CSMD3: variants seen among roughly 807,000 people sequenced by gnomAD.
CSMD3 encodes CUB and sushi domain-containing protein 3.
Under a neutral mutation model 435.2 loss-of-function variants are expected in CSMD3, and 177 were observed. The observed-to-expected ratio is 0.41, with a 90% CI of 0.36 to 0.46. The LOEUF is 0.46. CSMD3 is among the 20% of genes least tolerant of loss of function. The probability of loss-of-function intolerance (pLI) is 0.34; values close to 1 mark genes in which losing one functional copy is unlikely to be tolerated. For synonymous variants in CSMD3, 1,656 were observed against 1,520.5 expected (o/e 1.09, Z -2.07); for missense variants, 4,265 against 4,504.6 (o/e 0.95, Z 1.52).
intron 1 of CSMD3, among the ~76,000 whole-genome samples, chr8:113,414,004 G>T (rs1231665506): frequency 6.6e-6 from 1 of 151,994 alleles, no homozygotes; most frequent in African/African-American, 2.4e-5. Flanking sequence ...GGAAACAGAA[G>T]ACGAAATAGG....
At chr8:113,217,942 A>T (rs2092924331) in intron 3 of CSMD3, among the ~76,000 whole-genome samples, 1 of 151,334 alleles carries the variant, frequency 6.6e-6, no homozygotes. Flanking sequence ...ATGAAAAAAA[A>T]GTAAACTCAG....
intron 59 of CSMD3, among the ~76,000 whole-genome samples, chr8:112,270,234 C>T (rs1817341597): frequency 2.6e-5 from 4 of 151,910 alleles, no homozygotes; most frequent in African/African-American, 9.7e-5. Context: ...ATTATTAAAT[C>T]ACATTTATTC....
At position 112,570,911 on chromosome 8, in the gene CSMD3, T is replaced by C. The variant is rs1829458012; in HGVS notation, c.4042+2590A>G. Among the ~76,000 whole-genome samples the C allele has an allele frequency of 2.6e-5, 4 of 152,210 alleles. No homozygotes were observed. In the South Asian group the frequency reaches 6.2e-4, roughly 24 times the overall value. On this transcript the variant is annotated intron_variant, in intron 24 of 70. Coordinates refer to ENST00000297405, the MANE Select transcript of CSMD3 (RefSeq NM_198123.2). Reference sequence around the variant, plus strand: ...ATTTATAAATGTATGTTTTCCCTTTTTAAGAATGACAGCTTTATACTCTCT... The same window carrying C: ...ATTTATAAATGTATGTTTTCCCTTTCTAAGAATGACAGCTTTATACTCTCT...
intron 2 of CSMD3, among the ~76,000 whole-genome samples, chr8:113,306,927 A>G (rs1419548953): frequency 6.6e-6 from 1 of 152,140 alleles, no homozygotes; most frequent in Non-Finnish European, 1.5e-5. Flanking sequence ...AGTTTGTATA[A>G]TAAATATGAA....
At chr8:113,102,456 G>C (rs6999828) in intron 4 of CSMD3, among the ~76,000 whole-genome samples, 103,464 of 152,090 alleles carry the variant, frequency 0.68, 37,037 homozygotes, top group East Asian at 0.95. Flanking sequence ...CATGATCCCT[G>C]TTCTCATGGA....
intron 13 of CSMD3, among the ~76,000 whole-genome samples, chr8:112,767,141 A>G (rs1464338160): frequency 1.3e-5 from 2 of 151,916 alleles, no homozygotes; most frequent in African/African-American, 2.4e-5. Context: ...AATGATGAAA[A>G]GTAGAGATTA....
chr8:112,378,295 T>C (rs1829144127), intron 38 of CSMD3, among the ~76,000 whole-genome samples: 1 of 151,292 alleles, frequency 6.6e-6, no homozygotes, highest in Admixed American at 6.6e-5. Flanking sequence ...AATAGAACTA[T>C]ATAAGATCCA....
In CSMD3 at chr8:113,430,732, A is replaced by G. The variant is rs181406762; in HGVS notation, c.178+5945T>C. Reference sequence around the variant, plus strand: ...GGCCTGAACTGAATAATGTGATGATATCTAATGCCACATAATCACCATTGT... The same window carrying G: ...GGCCTGAACTGAATAATGTGATGATGTCTAATGCCACATAATCACCATTGT... On this transcript the variant is annotated intron_variant, in intron 1 of 70. Transcript: ENST00000297405. 1.6e-3 allele frequency among the ~76,000 whole-genome samples: 237 copies of G among 152,372 alleles called. 1 individual carries two copies. The highest frequency in any genetic ancestry group is 5.4e-3 in the African/African-American group (223 of 41,594).
intron 41 of CSMD3, among the ~76,000 whole-genome samples, chr8:112,342,722 A>G (rs1370809085): frequency 2.0e-5 from 3 of 151,922 alleles, no homozygotes; most frequent in Non-Finnish European, 4.4e-5. Flanking sequence ...TCATGTTACT[A>G]AATGATTTTT....
At chr8:113,038,019 T>C (rs958046174) in intron 5 of CSMD3, among the ~76,000 whole-genome samples, 5 of 152,028 alleles carry the variant, frequency 3.3e-5, no homozygotes, top group African/African-American at 9.7e-5. Flanking sequence ...GGGACTGTCA[T>C]AGGGAAAACA....
chr8:113,420,161 T>G (rs772188608), intron 1 of CSMD3, among the ~76,000 whole-genome samples: 6 of 152,112 alleles, frequency 3.9e-5, no homozygotes, highest in Non-Finnish European at 5.9e-5. Context: ...TTAAAAACAT[T>G]TACATACTGG....
At chr8:113,062,615 T>C (rs1171869894) in intron 5 of CSMD3, among the ~76,000 whole-genome samples, 1 of 151,834 alleles carries the variant, frequency 6.6e-6, no homozygotes, top group Non-Finnish European at 1.5e-5. Context: ...TTTCCAATTC[T>C]TCCCTGTATC....
intron 3 of CSMD3, among the ~76,000 whole-genome samples, chr8:113,256,531 A>T (rs2093382214): frequency 6.6e-6 from 1 of 152,336 alleles, no homozygotes; most frequent in African/African-American, 2.4e-5. Context: ...AGAAGTAAAC[A>T]ATTGGAAATA....
intron 10 of CSMD3, among the ~76,000 whole-genome samples, chr8:112,871,187 A>G (rs891620184): frequency 6.6e-6 from 1 of 152,222 alleles, no homozygotes; most frequent in Non-Finnish European, 1.5e-5. Flanking sequence ...TGGCAGATGT[A>G]TACTCTTTGA....
chr8:113,061,695 A>T (rs1347726475), intron 5 of CSMD3, among the ~76,000 whole-genome samples: 1 of 152,092 alleles, frequency 6.6e-6, no homozygotes, highest in Non-Finnish European at 1.5e-5. Flanking sequence ...AATTATATGC[A>T]TATTTTAAGG....
intron 27 of CSMD3, among the ~76,000 whole-genome samples, chr8:112,517,506 T>C (rs1823801214): frequency 6.6e-6 from 1 of 152,066 alleles, no homozygotes; most frequent in Non-Finnish European, 1.5e-5. Flanking sequence ...GGAAAATATA[T>C]TTGTTAGGAA....
chr8:113,083,531 G>A (rs570938572), intron 5 of CSMD3, among the ~76,000 whole-genome samples: 2 of 152,064 alleles, frequency 1.3e-5, no homozygotes, highest in African/African-American at 4.8e-5. Context: ...ATATCTGGAA[G>A]TAAGGTACAA....
At chr8:113,269,760 A>G (rs1447855358) in intron 3 of CSMD3, among the ~76,000 whole-genome samples, 2 of 152,168 alleles carry the variant, frequency 1.3e-5, no homozygotes, top group Non-Finnish European at 2.9e-5. Flanking sequence ...GGCTAGCCAT[A>G]TGTAGAAAGC....
intron 13 of CSMD3, among the ~76,000 whole-genome samples, chr8:112,717,217 T>C (rs1469230278): frequency 2.0e-5 from 3 of 151,344 alleles, no homozygotes; most frequent in African/African-American, 7.3e-5. Context: ...TTAAACAAAT[T>C]TATCAGAAAA....
Sources: allele counts gnomAD v4.1 joint callset (sites outside exome capture counted in the v4.1 genomes callset), GRCh38; gene constraint gnomAD v4.1.1; transcripts MANE v1.5; gene names NCBI Gene and HGNC (gene_info 2026-07-23, HGNC 2026-07-21).